The following SLC25A21 variants were observed in gnomAD, a reference collection of about 807,000 sequenced individuals.
The protein encoded by SLC25A21 is mitochondrial 2-oxodicarboxylate carrier.
In SLC25A21, 47 loss-of-function variants were observed where a neutral mutation model predicts 43.8. That is an observed-to-expected ratio of 1.07 (90% CI 0.85 to 1.37). The LOEUF is 1.37. SLC25A21 is among the 40% of genes most tolerant of loss of function. SLC25A21 has a pLI of 0.00. For missense variants in SLC25A21, 352 were observed against 350.2 expected (o/e 1.00, Z -0.04); for synonymous variants, 131 against 121.3 (o/e 1.08, Z -0.52).
intron 3 of SLC25A21, among the ~76,000 whole-genome samples, chr14:36,758,117 A>G (rs1205399110): frequency 6.6e-6 from 1 of 152,218 alleles, no homozygotes; most frequent in Non-Finnish European, 1.5e-5. Flanking sequence ...CACTCAGCCA[A>G]TGGTGAACTC....
intron 2 of SLC25A21, among the ~76,000 whole-genome samples, chr14:36,847,730 G>C (rs543076096): frequency 9.2e-5 from 14 of 152,336 alleles, no homozygotes; most frequent in African/African-American, 2.9e-4. Context: ...GGCTGCAGCA[G>C]AGGGTGCCTG....
intron 1 of SLC25A21, among the ~76,000 whole-genome samples, chr14:36,891,538 C>G (rs547679587): frequency 1.3e-5 from 2 of 152,096 alleles, no homozygotes; most frequent in Non-Finnish European, 2.9e-5. Context: ...CTCTTATACA[C>G]TAAAGTATAT....
At chr14:36,982,816 CA>C (rs1960059417) in intron 1 of SLC25A21, among the ~76,000 whole-genome samples, 1 of 134,818 alleles carries the variant, frequency 7.4e-6, no homozygotes, top group Non-Finnish European at 1.5e-5. Flanking sequence ...TCCATCTCAA[CA>C]AAAAACAACA....
intron 3 of SLC25A21, among the ~76,000 whole-genome samples, chr14:36,795,432 C>G (rs190272318): frequency 3.8e-4 from 58 of 152,304 alleles, no homozygotes; most frequent in African/African-American, 1.2e-3. Context: ...CCTAGCAGTA[C>G]CATTCTTCTT....
chr14:36,710,586 T>A (rs982558722), intron 7 of SLC25A21, among the ~76,000 whole-genome samples: 5 of 151,996 alleles, frequency 3.3e-5, no homozygotes, highest in Admixed American at 1.3e-4. Context: ...CACACCATCA[T>A]GCCTGGGTAA....
intron 3 of SLC25A21, among the ~76,000 whole-genome samples, chr14:36,745,141 G>C (rs1885440026): frequency 6.6e-6 from 1 of 151,886 alleles, no homozygotes; most frequent in African/African-American, 2.4e-5. Context: ...ATAGTTTCCA[G>C]CTTCATCCAT....
chr14:36,680,217 A>G lies in SLC25A21; in HGVS notation c.*441T>C. 1.1e-6 allele frequency: 1 copy of G among 895,798 alleles called. No individual in the cohort carries two copies. The highest frequency in any genetic ancestry group is 1.3e-6 in the Non-Finnish European group (1 of 748,678). The allele number at this position is 895,798 out of a possible 1,614,324, so 55.5% of individuals were successfully genotyped here. On this transcript the variant is annotated 3_prime_UTR_variant, in exon 10 of 10. Coordinates refer to ENST00000331299, the MANE Select transcript of SLC25A21 (RefSeq NM_030631.4). ...ATTTAATTCATTATAAAAACTGCTT[A>G]AATTTTGGCTTAACTTTTTTTTAAT...
chr14:36,797,446 T>C (rs1436981776), intron 3 of SLC25A21, among the ~76,000 whole-genome samples: 2 of 152,204 alleles, frequency 1.3e-5, no homozygotes, highest in African/African-American at 4.8e-5. Flanking sequence ...ATAATGAATT[T>C]TTTAAAAAGC....
intron 3 of SLC25A21, among the ~76,000 whole-genome samples, chr14:36,739,475 C>T (rs1393224932): frequency 6.6e-6 from 1 of 151,930 alleles, no homozygotes; most frequent in Non-Finnish European, 1.5e-5. Flanking sequence ...GTCAGGAGTT[C>T]GAGACCAGTC....
At chr14:36,895,838 A>G (rs1171653927) in intron 1 of SLC25A21, among the ~76,000 whole-genome samples, 2 of 152,126 alleles carry the variant, frequency 1.3e-5, no homozygotes, top group Admixed American at 6.5e-5. Context: ...GTTTCCATAT[A>G]GTTGTGCGGT....
At chr14:36,821,204 T>C (rs1888616920) in intron 2 of SLC25A21, among the ~76,000 whole-genome samples, 1 of 152,114 alleles carries the variant, frequency 6.6e-6, no homozygotes, top group African/African-American at 2.4e-5. Flanking sequence ...ACCATGTATG[T>C]TTCTTTCCCA....
chr14:36,994,469 T>G (rs1016763775), intron 1 of SLC25A21, among the ~76,000 whole-genome samples: 1 of 152,202 alleles, frequency 6.6e-6, no homozygotes, highest in African/African-American at 2.4e-5. Flanking sequence ...TGTTTCCACA[T>G]GTTTACTTAA....
intron 1 of SLC25A21, among the ~76,000 whole-genome samples, chr14:36,910,342 T>G (rs1416813617): frequency 6.6e-6 from 1 of 152,054 alleles, no homozygotes; most frequent in Non-Finnish European, 1.5e-5. Context: ...AGGTGAGCAG[T>G]TTGGACTTTA....
chr14:36,684,893 C>A lies in SLC25A21; in HGVS notation c.636G>T (p.Gly212=), dbSNP rs958767958. 9.3e-6 allele frequency: 15 copies of A among 1,609,346 alleles called. No individual in the cohort carries two copies. Among genetic ancestry groups the A allele is most frequent in the Admixed American group, 1.7e-5 (1 of 58,550 alleles). The part of the protein sequence containing the change: ...DPILEFWRKF[G]IGLLSGTIAS... ...CTATTGTCCCCGAGAGAAGACCAATCCCAAATTTTCTCCAAAACTCCAAGA... is the reference window on the plus strand; with the variant it reads ...CTATTGTCCCCGAGAGAAGACCAATACCAAATTTTCTCCAAAACTCCAAGA... The change falls in exon 8 of 10, where the codon GGG becomes GGT. Residue 212 remains glycine, a synonymous_variant. Transcript: ENST00000331299.
At chr14:37,045,809 T>C (rs1245803434) in intron 1 of SLC25A21, among the ~76,000 whole-genome samples, 1 of 152,204 alleles carries the variant, frequency 6.6e-6, no homozygotes, top group Non-Finnish European at 1.5e-5. Context: ...TTCTCCACTC[T>C]AGAGCATCCA....
rs181333914 is a variant in SLC25A21 at position 36,842,849 on chromosome 14, C to T, written c.120-28848G>A. Among the ~76,000 whole-genome samples, 13 of 152,196 alleles carry T rather than the reference C, an allele frequency of 8.5e-5. No individual in the cohort carries two copies. The East Asian group carries it at 1.2e-3, about 14-fold the overall frequency. ...AGGCAGGAGGATGTGTCTATGGCAG[C>T]GGTCCCAAAACTTTGTGGCACCAGA... On this transcript the variant is annotated intron_variant, in intron 2 of 9. Coordinates refer to ENST00000331299, the MANE Select transcript of SLC25A21 (RefSeq NM_030631.4).
chr14:37,010,370 G>A (rs570951458), intron 1 of SLC25A21, among the ~76,000 whole-genome samples: 2 of 152,280 alleles, frequency 1.3e-5, no homozygotes, highest in Admixed American at 1.3e-4. Context: ...ATTGCCATAG[G>A]TGAAATGATT....
At chr14:36,865,730 C>A (rs1050727787) in intron 2 of SLC25A21, among the ~76,000 whole-genome samples, 4 of 152,134 alleles carry the variant, frequency 2.6e-5, no homozygotes, top group Admixed American at 1.3e-4. Flanking sequence ...GGTTGTTAAA[C>A]ATAAATATTG....
chr14:37,034,424 C>T (rs775274115), intron 1 of SLC25A21, among the ~76,000 whole-genome samples: 4 of 152,220 alleles, frequency 2.6e-5, no homozygotes, highest in Non-Finnish European at 4.4e-5. Context: ...TCCAAAATCA[C>T]TTGGGCACTG....
Sources: gnomAD v4.1 joint callset for allele counts (sites outside exome capture counted in the v4.1 genomes callset) on GRCh38, gnomAD v4.1.1 for gene constraint, MANE v1.5 for transcripts, NCBI Gene and HGNC (gene_info 2026-07-23, HGNC 2026-07-21) for gene names.